MLF1: variants seen among roughly 807,000 people sequenced by gnomAD.
MLF1 encodes the protein myelodysplasia-myeloid leukemia factor 1.
MLF1 carries 37 observed loss-of-function variants against 38.3 expected under a neutral mutation model. The observed-to-expected ratio is 0.96, with a 90% CI of 0.74 to 1.27. MLF1 has a LOEUF of 1.27. Among genes scored for constraint, MLF1 ranks in the 50% most tolerant of loss-of-function variants. The pLI, the probability that MLF1 is intolerant of heterozygous loss-of-function variation, is 0.00. For synonymous variants in MLF1, 95 were observed against 106.5 expected (o/e 0.89, Z 0.66); for missense variants, 331 against 349.2 (o/e 0.95, Z 0.42).
intron 5 of MLF1, among the ~76,000 whole-genome samples, chr3:158,598,660 TATC>T (rs1719269887): frequency 6.6e-6 from 1 of 152,196 alleles, no homozygotes; most frequent in Non-Finnish European, 1.5e-5. Context: ...AGTTTAGTCA[TATC>T]ATAACATTTT....
intron 1 of MLF1, chr3:158,588,818 TAAAC>T: frequency 2.2e-6 from 1 of 455,476 alleles, no homozygotes; most frequent in South Asian, 1.6e-5. Context: ...TTCTATGGCA[TAAAC>T]AAACCTCATT....
intron 1 of MLF1, chr3:158,582,683 A>G (rs980090586): frequency 3.8e-5 from 17 of 453,054 alleles, no homozygotes; most frequent in Non-Finnish European, 6.2e-5. Context: ...AGAGAATGGC[A>G]TGAAATATAT....
At chr3:158,590,811 A>G in intron 1 of MLF1, 1 of 453,038 alleles carries the variant, frequency 2.2e-6, no homozygotes, top group South Asian at 1.6e-5. Flanking sequence ...GGAGGTTATG[A>G]CTGCACTTTT....
In MLF1 at chr3:158,602,891, T is replaced by C. The variant is rs759204175; in HGVS notation, c.698T>C (p.Met233Thr). ...CGACACAATCTAGGAAACACTAGAATGAGAAGTGTTGGCCATGAGAATCCT... is the reference window on the plus strand; with the variant it reads ...CGACACAATCTAGGAAACACTAGAACGAGAAGTGTTGGCCATGAGAATCCT... ...PGRHNLGNTR[M>T]RSVGHENPGS... The change falls in exon 7 of 8, where the codon ATG becomes ACG. Residue 233 changes from methionine to threonine, a missense_variant. Met to Thr is a moderately conservative substitution (Grantham distance 81). Transcript: ENST00000466246. The C allele has an allele frequency of 5.6e-6, 9 of 1,613,584 alleles. No individual in the cohort carries two copies. The highest frequency in any genetic ancestry group is 7.6e-6 in the Non-Finnish European group (9 of 1,179,642).
intron 7 of MLF1, among the ~76,000 whole-genome samples, chr3:158,603,150 GGTTA>G (rs759802107): frequency 1.3e-5 from 2 of 152,124 alleles, no homozygotes; most frequent in Non-Finnish European, 2.9e-5. Context: ...AGGATTTTAT[GGTTA>G]GTAATTCACT....
In MLF1 at chr3:158,592,581, T is replaced by G. The variant is rs759355385; in HGVS notation, c.195T>G (p.Thr65=). ...RGHNDGEDSL[T]ATSCSLVPFG... The stretch of plus-strand genomic sequence containing the variant: ...ATAATGATGGTGAAGATTCTTTGAC[T>G]GTAAGTTCTTTTTTTTAAGACAGTT... Residue 65 remains threonine, a splice_region_variant and synonymous_variant, in exon 2 of 8, where the codon ACT becomes ACG. Transcript: ENST00000466246. 1 of 1,591,778 alleles carries G rather than the reference T, an allele frequency of 6.3e-7. No homozygotes were observed. Among genetic ancestry groups the G allele is most frequent in the East Asian group, 2.3e-5 (1 of 43,722 alleles).
At chr3:158,574,442 T>G (rs1333721884) in intron 1 of MLF1, among the ~76,000 whole-genome samples, 1 of 143,062 alleles carries the variant, frequency 7.0e-6, no homozygotes, top group East Asian at 2.0e-4. Context: ...CCGAGGTGGG[T>G]GGATCACCAG....
chr3:158,600,207 A>G, intron 6 of MLF1, 34 bp downstream of exon 6: 1 of 1,317,334 alleles, frequency 7.6e-7, no homozygotes, highest in Non-Finnish European at 9.9e-7. Flanking sequence ...ATTCTTTCTT[A>G]TAAATTTAAA....
intron 1 of MLF1, among the ~76,000 whole-genome samples, chr3:158,585,037 G>GAAAAAAA (rs59014137): frequency 4.5e-5 from 4 of 88,846 alleles, no homozygotes; most frequent in African/African-American, 1.2e-4. Flanking sequence ...GACTCTGTCT[G>GAAAAAAA]AAAAAAAAAA....
rs572256072 is a variant in MLF1 at position 158,576,358 on chromosome 3, C to T, written c.47+5011C>T. ...CATGCAGTTCTCTCAAGAATACTAT[C>T]TTTCTCTCACATCTGTATTTGCTAA... On this transcript the variant is annotated intron_variant, in intron 1 of 7. Transcript: ENST00000466246. Among the ~76,000 whole-genome samples, 11 of 152,300 alleles carry T rather than the reference C, an allele frequency of 7.2e-5. No individual in the cohort carries two copies. In the East Asian group the frequency reaches 2.1e-3, roughly 29 times the overall value.
chr3:158,593,314 A>G, intron 2 of MLF1, 68 bp from the exon 3 acceptor site: 1 of 1,220,604 alleles, frequency 8.2e-7, no homozygotes, highest in African/African-American at 1.5e-5. Context: ...TAAACATTTA[A>G]TTGGTAAATT....
intron 4 of MLF1, 111 bp downstream of exon 4, chr3:158,597,056 C>T (rs1013398646): frequency 6.6e-6 from 4 of 609,612 alleles, no homozygotes; most frequent in Non-Finnish European, 8.6e-6. Flanking sequence ...AGATACCTTA[C>T]ATGATTAACC....
Position 158,596,881 on chromosome 3 carries a change from T to C in MLF1, c.260T>C (p.Phe87Ser), listed in dbSNP as rs759993318. 6.2e-7 allele frequency: 1 copy of C among 1,609,498 alleles called. No homozygotes were observed. The highest frequency in any genetic ancestry group is 1.1e-5 in the South Asian group (1 of 90,588). Residue 87 changes from phenylalanine to serine, a missense_variant, in exon 4 of 8, where the codon TTC (phenylalanine) becomes TCC (serine). Physicochemically the swap from Phe to Ser is radical, Grantham distance 155. Transcript: ENST00000466246. ...FGGMHTDVSSFQTMDQMVSNM... is the reference protein window; with the variant it reads ...FGGMHTDVSSSQTMDQMVSNM... ...CTGTAGCATACAGATGTCAGCTCTT[T>C]CCAGACAATGGACCAAATGGTGTCA...
intron 7 of MLF1, among the ~76,000 whole-genome samples, chr3:158,603,505 T>C (rs1386032519): frequency 6.6e-6 from 1 of 152,176 alleles, no homozygotes; most frequent in Non-Finnish European, 1.5e-5. Context: ...TTAGAATAGC[T>C]GAGAAAAATA....
chr3:158,601,865 G>A, intron 6 of MLF1, among the ~76,000 whole-genome samples: 1 of 137,006 alleles, frequency 7.3e-6, no homozygotes. Context: ...CTGGAGTGCA[G>A]TGGTGCAGTG....
intron 1 of MLF1, among the ~76,000 whole-genome samples, chr3:158,583,152 G>C (rs1159781725): frequency 6.6e-6 from 1 of 152,168 alleles, no homozygotes; most frequent in African/African-American, 2.4e-5. Flanking sequence ...ATTTAAAGCA[G>C]TAGTTGAAAA....
Position 158,593,440 on chromosome 3 carries a change from GAC to G in MLF1, c.240+18_240+19del, listed in dbSNP as rs1718458108. On this transcript the variant is annotated intron_variant, in intron 3 of 7. Coordinates refer to ENST00000466246, the MANE Select transcript of MLF1 (RefSeq NM_001369783.1). ...TTTGGTGGTATGGTTCGTATCTTAA[GAC>G]ACAAATCATTTTAGCAATATTTTCT... The G allele has an allele frequency of 6.5e-7, 1 of 1,546,770 alleles. No homozygotes were observed.
chr3:158,604,992 A>G, intron 7 of MLF1, 105 bp from the exon 8 acceptor site: 1 of 872,572 alleles, frequency 1.1e-6, no homozygotes, highest in East Asian at 2.7e-5. Flanking sequence ...AATTTTTAAG[A>G]TAAAACTTTT....
Position 158,593,813 on chromosome 3 carries a change from A to C in MLF1, c.240+387A>C, listed in dbSNP as rs565001884. On this transcript the variant is annotated intron_variant, in intron 3 of 7. Transcript: ENST00000466246. ...AGATAAGCACAACGTTTGGAAAAGCACAGATTAACTGCTTTCTCTAGGATT... is the reference window on the plus strand; with the variant it reads ...AGATAAGCACAACGTTTGGAAAAGCCCAGATTAACTGCTTTCTCTAGGATT... 2.6e-4 allele frequency among the ~76,000 whole-genome samples: 39 copies of C among 148,664 alleles called. No individual in the cohort carries two copies. The South Asian group carries it at 8.2e-3, about 31-fold the overall frequency.
Sources: gnomAD v4.1 joint callset for allele counts (sites outside exome capture counted in the v4.1 genomes callset) on GRCh38, gnomAD v4.1.1 for gene constraint, MANE v1.5 for transcripts, NCBI Gene and HGNC (gene_info 2026-07-23, HGNC 2026-07-21) for gene names.